The following INPP4B variants were observed in gnomAD, a reference collection of about 807,000 sequenced individuals.
The protein encoded by INPP4B is inositol polyphosphate-4-phosphatase type II B.
A neutral mutation model predicts 122.5 loss-of-function variants in INPP4B; 55 were observed. The ratio of observed to expected loss-of-function variants is 0.45; its 90% CI spans 0.36 to 0.56. INPP4B has a LOEUF of 0.56. Among genes scored for constraint, INPP4B ranks in the 20% least tolerant of loss-of-function variants. INPP4B has a pLI of 0.00. For synonymous variants in INPP4B, 403 were observed against 388.7 expected, an observed-to-expected ratio of 1.04 and a Z score of -0.43; for missense variants, 1,000 against 1,097.7, an observed-to-expected ratio of 0.91 and a Z score of 1.26.
At chr4:142,619,248 A>G (rs1744362538) in intron 2 of INPP4B, among the ~76,000 whole-genome samples, 3 of 152,074 alleles carry the variant, frequency 2.0e-5, no homozygotes, top group Admixed American at 2.0e-4. Context: ...TATTTATCCA[A>G]AGGAATTGAA....
chr4:142,580,095 A>C (rs1734748208), intron 2 of INPP4B, among the ~76,000 whole-genome samples: 1 of 150,870 alleles, frequency 6.6e-6, no homozygotes, highest in South Asian at 2.1e-4. Context: ...AAAATAGTCC[A>C]GCTCTTTTTG....
At chr4:142,623,926 C>A (rs1457118153) in intron 2 of INPP4B, among the ~76,000 whole-genome samples, 2 of 152,042 alleles carry the variant, frequency 1.3e-5, no homozygotes, top group Non-Finnish European at 2.9e-5. Context: ...GCATAGTATT[C>A]CACGGTGTAT....
At chr4:142,400,058 A>T (rs1052140878) in intron 7 of INPP4B, among the ~76,000 whole-genome samples, 1 of 152,240 alleles carries the variant, frequency 6.6e-6, no homozygotes, top group Admixed American at 6.5e-5. Context: ...GAGCACAAGA[A>T]CAACTAGTTA....
chr4:142,152,066 CTTTTTTTTT>C (rs572092121), intron 17 of INPP4B, among the ~76,000 whole-genome samples: 59 of 69,956 alleles, frequency 8.4e-4, no homozygotes, highest in African/African-American at 3.2e-3. Flanking sequence ...TTTGTCTTTT[CTTTTTTTTT>C]TTTTTTTTTT....
intron 21 of INPP4B, among the ~76,000 whole-genome samples, chr4:142,121,136 T>C (rs950723452): frequency 2.0e-5 from 3 of 152,112 alleles, no homozygotes; most frequent in Non-Finnish European, 4.4e-5. Context: ...GTTTTTCAGG[T>C]GTGCGTATGA....
At chr4:142,588,032 T>A (rs2150232903) in intron 2 of INPP4B, among the ~76,000 whole-genome samples, 1 of 152,024 alleles carries the variant, frequency 6.6e-6, no homozygotes, top group East Asian at 1.9e-4. Flanking sequence ...ATAAATGTAA[T>A]TCACTACCTG....
intron 25 of INPP4B, among the ~76,000 whole-genome samples, chr4:142,073,997 C>A (rs1218449857): frequency 6.6e-6 from 1 of 151,936 alleles, no homozygotes; most frequent in African/African-American, 2.4e-5. Flanking sequence ...AGCCCTGTCC[C>A]CCTCCCAGCT....
intron 6 of INPP4B, among the ~76,000 whole-genome samples, chr4:142,403,894 C>T (rs1433213804): frequency 1.3e-5 from 2 of 151,842 alleles, no homozygotes; most frequent in Non-Finnish European, 2.9e-5. Context: ...TGTTCAAGTA[C>T]AATATTTTAA....
intron 7 of INPP4B, among the ~76,000 whole-genome samples, chr4:142,382,693 G>A (rs1794660307): frequency 8.0e-6 from 1 of 125,364 alleles, no homozygotes; most frequent in African/African-American, 3.3e-5. Context: ...AAAAAATTAG[G>A]TCATTGATTT....
At chr4:142,242,938 C>A (rs1396019462) in intron 11 of INPP4B, among the ~76,000 whole-genome samples, 3 of 152,104 alleles carry the variant, frequency 2.0e-5, no homozygotes. Flanking sequence ...TTTCCTCCTG[C>A]ACTTACCATA....
At chr4:142,208,041 A>G (rs1579290577) in intron 14 of INPP4B, among the ~76,000 whole-genome samples, 1 of 152,124 alleles carries the variant, frequency 6.6e-6, no homozygotes, top group Admixed American at 6.6e-5. Context: ...AAAACCTGGC[A>G]TATTAGTCCA....
intron 7 of INPP4B, among the ~76,000 whole-genome samples, chr4:142,317,713 T>C (rs956104471): frequency 1.3e-5 from 2 of 152,220 alleles, no homozygotes; most frequent in African/African-American, 2.4e-5. Flanking sequence ...TCATGACTTC[T>C]TGAGCTAAAT....
At chr4:142,294,829 C>CAGAAAAAAA (rs1757903392) in intron 9 of INPP4B, among the ~76,000 whole-genome samples, 1 of 28,462 alleles carries the variant, frequency 3.5e-5, no homozygotes, top group African/African-American at 1.2e-4. Flanking sequence ...GACTCCGTCT[C>CAGAAAAAAA]AAAAAAAAAA....
chr4:142,278,462 C>T (rs1749661678), intron 9 of INPP4B, among the ~76,000 whole-genome samples: 1 of 151,828 alleles, frequency 6.6e-6, no homozygotes, highest in African/African-American at 2.4e-5. Flanking sequence ...TCTCCACTCT[C>T]TCATGCCCCA....
At chr4:142,128,155 G>T (rs1799468915) in intron 18 of INPP4B, among the ~76,000 whole-genome samples, 1 of 151,336 alleles carries the variant, frequency 6.6e-6, no homozygotes, top group African/African-American at 2.4e-5. Context: ...GTGTTTATTT[G>T]GTCCTCCTGA....
intron 18 of INPP4B, among the ~76,000 whole-genome samples, chr4:142,127,777 A>G (rs1799285549): frequency 6.6e-6 from 1 of 151,962 alleles, no homozygotes; most frequent in Admixed American, 6.6e-5. Flanking sequence ...CTAAAAATAC[A>G]TTTTTTTTCT....
At chr4:142,505,593 G>A (rs985234295) in intron 2 of INPP4B, among the ~76,000 whole-genome samples, 6 of 152,126 alleles carry the variant, frequency 3.9e-5, no homozygotes, top group Non-Finnish European at 8.8e-5. Context: ...CACACTGCCT[G>A]CCACATAGTA....
intron 23 of INPP4B, among the ~76,000 whole-genome samples, chr4:142,097,800 C>T (rs1259867055): frequency 1.3e-5 from 2 of 152,146 alleles, no homozygotes; most frequent in Non-Finnish European, 2.9e-5. Context: ...TTTTCATAGT[C>T]TTCATTAACT....
intron 9 of INPP4B, among the ~76,000 whole-genome samples, chr4:142,299,658 A>G (rs762566774): frequency 2.0e-5 from 3 of 151,650 alleles, no homozygotes; most frequent in Non-Finnish European, 4.4e-5. Flanking sequence ...AGTTAATCAT[A>G]TATGTGCTAC....
Sources: allele counts gnomAD v4.1 joint callset (sites outside exome capture counted in the v4.1 genomes callset), GRCh38; gene constraint gnomAD v4.1.1; transcripts MANE v1.5; gene names NCBI Gene and HGNC (gene_info 2026-07-23, HGNC 2026-07-21).